The following DRC11 variants were observed in gnomAD, a reference collection of about 807,000 sequenced individuals.
DRC11 encodes IQ and AAA domain-containing protein 1.
At chr2:236,468,090 G>A in the DRC11 span, among the ~76,000 whole-genome samples, 1 of 152,138 alleles carries the variant, frequency 6.6e-6, no homozygotes, top group Admixed American at 6.5e-5. Flanking sequence ...TTAGTAAAAT[G>A]AGAACATATA....
At chr2:236,358,430 ATC>A in the DRC11 span, among the ~76,000 whole-genome samples, 6 of 138,552 alleles carry the variant, frequency 4.3e-5, no homozygotes, top group South Asian at 2.2e-4. Flanking sequence ...ATGAATATAT[ATC>A]ATATATAAAT....
the DRC11 span, chr2:236,419,342 G>C: frequency 1.3e-6 from 2 of 1,486,226 alleles, no homozygotes; most frequent in Non-Finnish European, 1.8e-6. The surrounding 1 kb of genome is among the most constrained non-coding windows in gnomAD (Gnocchi z 4.8). Context: ...TTCCCTGTCT[G>C]AAAGGAAGTT....
At chr2:236,357,436 A>G in the DRC11 span, among the ~76,000 whole-genome samples, 460 of 126,518 alleles carry the variant, frequency 3.6e-3, 10 homozygotes, top group African/African-American at 0.013. Context: ...TACATAGTAT[A>G]TGTATATTTA....
chr2:236,497,123 C>G, the DRC11 span: 14 of 1,474,600 alleles, frequency 9.5e-6, no homozygotes, highest in South Asian at 1.7e-4. This position sits in a 1 kb window ranked among gnomAD's most constrained non-coding sequence, Gnocchi z 5.1. Flanking sequence ...TTATTTATAA[C>G]AAAAAAAAGC....
At chr2:236,344,686 C>T in the DRC11 span, 10 of 1,415,160 alleles carry the variant, frequency 7.1e-6, no homozygotes, top group African/African-American at 5.7e-5. Flanking sequence ...ATGCACTTCC[C>T]TCTCAGGTGT....
At chr2:236,361,458 T>C in the DRC11 span, among the ~76,000 whole-genome samples, 8 of 151,964 alleles carry the variant, frequency 5.3e-5, no homozygotes, top group African/African-American at 1.9e-4. This position sits in a 1 kb window ranked among gnomAD's most constrained non-coding sequence, Gnocchi z 5.7. Context: ...CAAATGACCA[T>C]GAAATGCAAA....
chr2:236,453,886 C>A, the DRC11 span, among the ~76,000 whole-genome samples: 4 of 152,294 alleles, frequency 2.6e-5, no homozygotes, highest in African/African-American at 9.6e-5. The surrounding 1 kb of genome is among the most constrained non-coding windows in gnomAD (Gnocchi z 4.9). Flanking sequence ...AGGTGATCCA[C>A]CCGTCTTGGC....
the DRC11 span, among the ~76,000 whole-genome samples, chr2:236,370,720 A>G: frequency 2.0e-5 from 3 of 150,636 alleles, no homozygotes; most frequent in African/African-American, 7.3e-5. This position sits in a 1 kb window ranked among gnomAD's most constrained non-coding sequence, Gnocchi z 5.5. Context: ...TGCACACCTG[A>G]GATTGTGGCA....
At chr2:236,468,378 G>A in the DRC11 span, among the ~76,000 whole-genome samples, 1 of 152,056 alleles carries the variant, frequency 6.6e-6, no homozygotes, top group Non-Finnish European at 1.5e-5. Context: ...AGGGGTGAAC[G>A]ACCATGCCCG....
chr2:236,363,780 C>G, the DRC11 span: 3 of 1,608,298 alleles, frequency 1.9e-6, no homozygotes, highest in Admixed American at 1.7e-5. This position sits in a 1 kb window ranked among gnomAD's most constrained non-coding sequence, Gnocchi z 5.6. Context: ...TAATCCATAC[C>G]TTGAAGACTG....
chr2:236,387,147 G>C, the DRC11 span, among the ~76,000 whole-genome samples: 1 of 150,962 alleles, frequency 6.6e-6, no homozygotes, highest in Admixed American at 6.6e-5. Context: ...CTGTTGATTT[G>C]GGGTGGAGAG....
At chr2:236,345,186 C>CAGAGCCCTGGTTGTAAATGT in the DRC11 span, among the ~76,000 whole-genome samples, 1 of 151,052 alleles carries the variant, frequency 6.6e-6, no homozygotes, top group African/African-American at 2.4e-5. Context: ...GCTGTAAACG[C>CAGAGCCCTGGTTGTAAATGT]GCTTCCCTCT....
At chr2:236,434,114 G>C in the DRC11 span, among the ~76,000 whole-genome samples, 1 of 152,082 alleles carries the variant, frequency 6.6e-6, no homozygotes, top group African/African-American at 2.4e-5. The surrounding 1 kb of genome is among the most constrained non-coding windows in gnomAD (Gnocchi z 5.5). Flanking sequence ...CACCACTTGT[G>C]GTGTTTTACT....
chr2:236,474,858 G>A, the DRC11 span, among the ~76,000 whole-genome samples: 47 of 152,018 alleles, frequency 3.1e-4, no homozygotes, highest in African/African-American at 1.1e-3. Context: ...ATGCATAATA[G>A]ATATACATAT....
chr2:236,477,331 G>A, the DRC11 span, among the ~76,000 whole-genome samples: 76 of 152,100 alleles, frequency 5.0e-4, 2 homozygotes, highest in African/African-American at 1.7e-3. Flanking sequence ...TGAAGTAAGC[G>A]AGAAAAAAGA....
the DRC11 span, among the ~76,000 whole-genome samples, chr2:236,423,546 C>T: frequency 1.3e-5 from 2 of 152,120 alleles, no homozygotes; most frequent in South Asian, 2.1e-4. Context: ...AAAAGTCAGG[C>T]AACAACAGGT....
At chr2:236,317,481 T>G in the DRC11 span, among the ~76,000 whole-genome samples, 1 of 152,158 alleles carries the variant, frequency 6.6e-6, no homozygotes, top group Admixed American at 6.5e-5. The surrounding 1 kb of genome is among the most constrained non-coding windows in gnomAD (Gnocchi z 5.4). Flanking sequence ...CACTCTTTAC[T>G]TCCATGTACA....
At chr2:236,380,135 C>T in the DRC11 span, among the ~76,000 whole-genome samples, 2 of 152,282 alleles carry the variant, frequency 1.3e-5, no homozygotes, top group South Asian at 2.1e-4. This position sits in a 1 kb window ranked among gnomAD's most constrained non-coding sequence, Gnocchi z 4.9. Context: ...GCCCATGAAG[C>T]TCTGAGAAAG....
chr2:236,313,617 T>C, the DRC11 span, among the ~76,000 whole-genome samples: 1 of 152,216 alleles, frequency 6.6e-6, no homozygotes, highest in Non-Finnish European at 1.5e-5. The surrounding 1 kb of genome is among the most constrained non-coding windows in gnomAD (Gnocchi z 4.5). Context: ...GAAATCCTCA[T>C]AGCAACTTTA....
Sources: allele counts gnomAD v4.1 joint callset (sites outside exome capture counted in the v4.1 genomes callset), GRCh38; gene constraint gnomAD v4.1.1; non-coding constraint Gnocchi (gnomAD v3.1); transcripts MANE v1.5; gene names NCBI Gene and HGNC (gene_info 2026-07-23, HGNC 2026-07-21).